The following GRM1 variants were observed in gnomAD, a reference collection of about 807,000 sequenced individuals.
The protein encoded by GRM1 is metabotropic glutamate receptor 1.
GRM1 carries 33 observed loss-of-function variants against 90.9 expected under a neutral mutation model. The ratio of observed to expected loss-of-function variants is 0.36; its 90% CI spans 0.28 to 0.49. GRM1 has a LOEUF of 0.49. Ranked by LOEUF, GRM1 falls within the 20% of genes least tolerant of loss-of-function variation. The pLI, the probability that GRM1 is intolerant of heterozygous loss-of-function variation, is 0.99. For synonymous variants in GRM1, 700 were observed against 613.2 expected, an observed-to-expected ratio of 1.14 and a Z score of -2.09; for missense variants, 1,190 against 1,534.3, an observed-to-expected ratio of 0.78 and a Z score of 3.75.
rs975459497 is a variant in GRM1, at chr6:146,436,410, T to G, written c.*1614T>G. On this transcript the variant is annotated 3_prime_UTR_variant, in exon 8 of 8. Coordinates refer to ENST00000282753, the MANE Select transcript of GRM1 (RefSeq NM_001278064.2). ...TAAGCTTGCACACATTATTAACACA[T>G]AAGATTGAACAAAGCATTTAGATTA... is the stretch of plus-strand genomic sequence containing the variant. The G allele has an allele frequency of 6.6e-6, 1 of 152,230 alleles. No homozygotes were observed. Among genetic ancestry groups the G allele is most frequent in the African/African-American group, 2.4e-5 (1 of 41,470 alleles). The allele number at this position is 152,230 out of a possible 1,614,324, so 9.4% of individuals were successfully genotyped here.
At chr6:146,052,383 A>C (rs1312139119) in intron 1 of GRM1, among the ~76,000 whole-genome samples, 1 of 151,948 alleles carries the variant, frequency 6.6e-6, no homozygotes, top group Admixed American at 6.6e-5. Context: ...GGAGCTTTAA[A>C]ACCTATAGAT....
At chr6:146,235,386 G>A (rs536925143) in intron 2 of GRM1, among the ~76,000 whole-genome samples, 1 of 152,110 alleles carries the variant, frequency 6.6e-6, no homozygotes, top group South Asian at 2.1e-4. Flanking sequence ...CCAAGGATTT[G>A]TGTGTGTATT....
At chr6:146,084,078 T>TA (rs1282022342) in intron 1 of GRM1, among the ~76,000 whole-genome samples, 4 of 152,194 alleles carry the variant, frequency 2.6e-5, no homozygotes, top group African/African-American at 9.6e-5. Context: ...TCAGTGGTGA[T>TA]ATCCCCTTTT....
chr6:146,153,439 T>G (rs1777410570), intron 1 of GRM1, among the ~76,000 whole-genome samples: 1 of 152,250 alleles, frequency 6.6e-6, no homozygotes, highest in Non-Finnish European at 1.5e-5. Flanking sequence ...GACAAGTTCT[T>G]TCTACATTAG....
chr6:146,169,148 G>T (rs1242732992), intron 2 of GRM1, among the ~76,000 whole-genome samples: 1 of 151,922 alleles, frequency 6.6e-6, no homozygotes, highest in Non-Finnish European at 1.5e-5. Flanking sequence ...ATTTTCAACA[G>T]TTTCTATTGC....
At chr6:146,217,462 A>AT (rs1779912474) in intron 2 of GRM1, among the ~76,000 whole-genome samples, 1 of 152,226 alleles carries the variant, frequency 6.6e-6, no homozygotes, top group African/African-American at 2.4e-5. Context: ...CTGAATTAAT[A>AT]TTTTAAGGCA....
intron 1 of GRM1, among the ~76,000 whole-genome samples, chr6:146,080,587 A>G (rs1364270326): frequency 2.0e-5 from 3 of 150,774 alleles, no homozygotes; most frequent in Non-Finnish European, 4.4e-5. Flanking sequence ...CCCCTACCCT[A>G]GTTCCCTGGT....
chr6:146,139,425 T>C (rs376645274), intron 1 of GRM1, among the ~76,000 whole-genome samples: 16 of 152,262 alleles, frequency 1.1e-4, no homozygotes, highest in African/African-American at 2.6e-4. Flanking sequence ...AAGTCTCTAG[T>C]TATTATTGTA....
intron 1 of GRM1, among the ~76,000 whole-genome samples, chr6:146,061,200 A>G (rs950740921): frequency 3.3e-5 from 5 of 152,130 alleles, no homozygotes. Context: ...ATTCAGGATC[A>G]CTTATCATAG....
intron 1 of GRM1, among the ~76,000 whole-genome samples, chr6:146,043,798 T>TAGAG (rs1562424429): frequency 3.4e-5 from 5 of 145,270 alleles, no homozygotes; most frequent in African/African-American, 1.2e-4. Flanking sequence ...TATATATATA[T>TAGAG]ATATATATAT....
At chr6:146,125,088 C>A (rs1479873202) in intron 1 of GRM1, among the ~76,000 whole-genome samples, 1 of 152,054 alleles carries the variant, frequency 6.6e-6, no homozygotes, top group Admixed American at 6.6e-5. Context: ...AAGAATGACC[C>A]AGGCTAGTTT....
chr6:146,401,680 G>A (rs1052924435), intron 7 of GRM1, among the ~76,000 whole-genome samples: 3 of 152,038 alleles, frequency 2.0e-5, no homozygotes, highest in African/African-American at 7.2e-5. Context: ...AAGCTTCCTT[G>A]TAATTTTTAG....
At chr6:146,377,119 C>T (rs1340881255) in intron 5 of GRM1, among the ~76,000 whole-genome samples, 3 of 152,018 alleles carry the variant, frequency 2.0e-5, no homozygotes, top group Non-Finnish European at 4.4e-5. Flanking sequence ...TTATAAATTA[C>T]CCAGTCTTGG....
chr6:146,076,181 G>C (rs113059420), intron 1 of GRM1, among the ~76,000 whole-genome samples: 1,536 of 152,236 alleles, frequency 0.01, 9 homozygotes, highest in Non-Finnish European at 0.015. Context: ...CTTGCATAGG[G>C]TTAGTGATGA....
intron 1 of GRM1, among the ~76,000 whole-genome samples, chr6:146,043,790 T>TAC (rs1791208370): frequency 7.6e-6 from 1 of 130,926 alleles, no homozygotes; most frequent in South Asian, 2.5e-4. Context: ...GTGATATATA[T>TAC]ATATATATAT....
rs1270303326 is a variant in GRM1, at chr6:146,357,152, GA to G, written c.1434-371del. The stretch of plus-strand genomic sequence containing the variant: ...GAAAATGACAACTTAATGTGAAAAA[GA>G]AATTTGGATTAATCAAATAAAAAAT... On this transcript the variant is annotated intron_variant, in intron 4 of 7. Transcript: ENST00000282753. Among the ~76,000 whole-genome samples, 4 of 147,262 alleles carry G rather than the reference GA, an allele frequency of 2.7e-5. No individual in the cohort carries two copies. The East Asian group carries it at 8.1e-4, about 30-fold the overall frequency.
intron 2 of GRM1, among the ~76,000 whole-genome samples, chr6:146,265,836 A>T (rs1354345054): frequency 6.6e-6 from 1 of 152,132 alleles, no homozygotes; most frequent in Non-Finnish European, 1.5e-5. Context: ...GGCTTTACTT[A>T]TGGGTTGTCT....
At chr6:146,274,411 A>G (rs892599443) in intron 2 of GRM1, among the ~76,000 whole-genome samples, 3 of 152,230 alleles carry the variant, frequency 2.0e-5, no homozygotes, top group Non-Finnish European at 4.4e-5. Flanking sequence ...CCGTGAAGAA[A>G]TCAGTAAAAT....
At chr6:146,148,735 A>G (rs1163592014) in intron 1 of GRM1, among the ~76,000 whole-genome samples, 1 of 152,180 alleles carries the variant, frequency 6.6e-6, no homozygotes, top group Admixed American at 6.5e-5. Flanking sequence ...AGAAAAATGT[A>G]TTACACCATT....
Sources: gnomAD v4.1 joint callset for allele counts (sites outside exome capture counted in the v4.1 genomes callset) on GRCh38, gnomAD v4.1.1 for gene constraint, MANE v1.5 for transcripts, NCBI Gene and HGNC (gene_info 2026-07-23, HGNC 2026-07-21) for gene names.